Variants in VANGL1 observed in about 807,000 individuals in gnomAD.
The protein encoded by VANGL1 is VANGL planar cell polarity protein 1, also known as vang-like protein 1.
Under a neutral mutation model 48.4 loss-of-function variants are expected in VANGL1, and 18 were observed. The ratio of observed to expected loss-of-function variants is 0.37; its 90% CI spans 0.26 to 0.55. The LOEUF (loss-of-function observed/expected upper bound fraction) is 0.55. VANGL1 is among the 20% of genes least tolerant of loss of function. The pLI is 0.81. For missense variants in VANGL1, 667 were observed against 675.8 expected, an observed-to-expected ratio of 0.99 and a Z score of 0.14; for synonymous variants, 257 against 261.8, an observed-to-expected ratio of 0.98 and a Z score of 0.18.
At chr1:115,670,036 A>G (rs1652919245) in intron 4 of VANGL1, among the ~76,000 whole-genome samples, 1 of 152,196 alleles carries the variant, frequency 6.6e-6, no homozygotes, top group African/African-American at 2.4e-5. Context: ...GGTTAAATGT[A>G]GTCATAGTGT....
At chr1:115,647,054 C>A (rs1651968188) in intron 1 of VANGL1, among the ~76,000 whole-genome samples, 1 of 152,136 alleles carries the variant, frequency 6.6e-6, no homozygotes, top group Non-Finnish European at 1.5e-5. Flanking sequence ...ACATTGCATA[C>A]CAAATGAAAG....
At chr1:115,683,551 C>T (rs1052293670) in intron 5 of VANGL1, among the ~76,000 whole-genome samples, 3 of 152,194 alleles carry the variant, frequency 2.0e-5, no homozygotes, top group Non-Finnish European at 4.4e-5. Context: ...CCCTCTCATT[C>T]TGTCTCATTG....
At chr1:115,651,842 C>T (rs930999579) in intron 2 of VANGL1, among the ~76,000 whole-genome samples, 16 of 151,988 alleles carry the variant, frequency 1.1e-4, no homozygotes, top group South Asian at 2.1e-4. Context: ...CTGCAAGCTC[C>T]GCCTTGTGGG....
chr1:115,671,510 A>G (rs572321512), intron 4 of VANGL1, among the ~76,000 whole-genome samples: 9 of 152,330 alleles, frequency 5.9e-5, no homozygotes, highest in Admixed American at 3.9e-4. Flanking sequence ...GAGGCAGTCC[A>G]GCATCCTGGG....
chr1:115,651,548 C>G, intron 2 of VANGL1, 64 bp downstream of exon 2: 2 of 1,434,054 alleles, frequency 1.4e-6, no homozygotes, highest in Non-Finnish European at 2.0e-6. Context: ...GTGGGGTTCT[C>G]TACACTCACT....
chr1:115,643,523 A>G (rs1424389106), intron 1 of VANGL1, among the ~76,000 whole-genome samples: 1 of 152,238 alleles, frequency 6.6e-6, no homozygotes. Context: ...ATCCATGAGC[A>G]TTAAACATTC....
chr1:115,667,899 C>A (rs1160319272), intron 4 of VANGL1, among the ~76,000 whole-genome samples: 2 of 152,212 alleles, frequency 1.3e-5, no homozygotes, highest in Non-Finnish European at 2.9e-5. Flanking sequence ...GGTGCACAGG[C>A]ACTAGTGTAA....
At chr1:115,680,613 C>T (rs980249023) in intron 4 of VANGL1, among the ~76,000 whole-genome samples, 1 of 152,212 alleles carries the variant, frequency 6.6e-6, no homozygotes, top group Admixed American at 6.5e-5. Context: ...TGAATGCGGG[C>T]ACTGTTGGGG....
chr1:115,648,638 T>A (rs547747959), intron 1 of VANGL1, among the ~76,000 whole-genome samples: 6 of 152,326 alleles, frequency 3.9e-5, no homozygotes, highest in African/African-American at 1.4e-4. Flanking sequence ...TTTCATTTAA[T>A]CCTCACAAGA....
In VANGL1 at chr1:115,684,214, C is replaced by G. The variant is rs1052163655; in HGVS notation, c.1079+138C>G. On this transcript the variant is annotated intron_variant, in intron 6 of 7. Transcript: ENST00000355485. ...AGTGCAGTGGCAAGATCTTGGCTCA[C>G]TGTCACCTCTGCCTCCCAGGTTCCA... 6 of 909,550 alleles carry G rather than the reference C, an allele frequency of 6.6e-6. No homozygotes were observed. In the Admixed American group the frequency reaches 1.4e-4, roughly 22 times the overall value. 56.3% of individuals were successfully genotyped at this position (909,550 alleles called of 1,614,324 possible).
chr1:115,663,561 T>C (rs540631654), intron 3 of VANGL1, 100 bp from the exon 4 acceptor site: 1 of 1,520,798 alleles, frequency 6.6e-7, no homozygotes, highest in Non-Finnish European at 9.0e-7. Flanking sequence ...CCTTTGTGAA[T>C]AGGGCTGGGT....
intron 5 of VANGL1, among the ~76,000 whole-genome samples, chr1:115,682,816 A>G (rs567189897): frequency 2.0e-5 from 3 of 152,288 alleles, no homozygotes; most frequent in Admixed American, 6.5e-5. Flanking sequence ...ATTGGTGCAC[A>G]TTACCCACAA....
Position 115,684,093 on chromosome 1 carries a change from A to T in VANGL1, c.1079+17A>T, listed in dbSNP as rs766581729. Reference sequence around the variant, plus strand: ...GAAAGCAAGGTATACTGCCCTCCTGATGCCAGTACCCTCTTACAGACTTTT... The same window carrying T: ...GAAAGCAAGGTATACTGCCCTCCTGTTGCCAGTACCCTCTTACAGACTTTT... On this transcript the variant is annotated intron_variant, in intron 6 of 7. Coordinates refer to ENST00000355485, the MANE Select transcript of VANGL1 (RefSeq NM_138959.3). 6.2e-7 allele frequency: 1 copy of T among 1,612,304 alleles called. No individual in the cohort carries two copies. The highest frequency in any genetic ancestry group is 1.7e-5 in the Admixed American group (1 of 59,974).
chr1:115,648,190 C>T (rs1369647410), intron 1 of VANGL1, among the ~76,000 whole-genome samples: 1 of 152,168 alleles, frequency 6.6e-6, no homozygotes, highest in Non-Finnish European at 1.5e-5. Context: ...CATTGCCTAG[C>T]ATGGTCTTGT....
intron 4 of VANGL1, among the ~76,000 whole-genome samples, chr1:115,679,963 T>C (rs1337060375): frequency 1.4e-5 from 2 of 138,786 alleles, no homozygotes; most frequent in African/African-American, 2.7e-5. Context: ...GGGTGGGAGC[T>C]GAGCTAGGCA....
At chr1:115,653,397 A>G (rs1253908736) in intron 2 of VANGL1, among the ~76,000 whole-genome samples, 1 of 152,216 alleles carries the variant, frequency 6.6e-6, no homozygotes, top group Non-Finnish European at 1.5e-5. Flanking sequence ...TTTAGTTATG[A>G]AATACCAGAA....
intron 2 of VANGL1, among the ~76,000 whole-genome samples, chr1:115,651,730 C>T (rs1652153738): frequency 6.6e-6 from 1 of 151,842 alleles, no homozygotes; most frequent in African/African-American, 2.4e-5. Context: ...TTTCTTCCTG[C>T]AGTGGAAATG....
chr1:115,693,841 A>G lies in VANGL1; in HGVS notation c.*2462A>G, dbSNP rs569332801. 2.6e-5 allele frequency: 4 copies of G among 152,326 alleles called. No homozygotes were observed. Among genetic ancestry groups the G allele is most frequent in the African/African-American group, 7.2e-5 (3 of 41,590 alleles). 9.4% of individuals were successfully genotyped at this position (152,326 alleles called of 1,614,324 possible). A position where few individuals can be genotyped will look rare whatever the true frequency, so the allele number is the denominator to read the frequency against. ...TTTCAATTCTTGGAACTGGTAGGCT[A>G]TTCTTTTTAAAAGGGGGTAAACTTC... On this transcript the variant is annotated 3_prime_UTR_variant, in exon 8 of 8. Transcript: ENST00000355485.
rs1653867132 is a variant in VANGL1 at position 115,692,215 on chromosome 1, G to C, written c.*836G>C. 6.5e-6 allele frequency: 1 copy of C among 152,818 alleles called. No individual in the cohort carries two copies. The highest frequency in any genetic ancestry group is 1.5e-5 in the Non-Finnish European group (1 of 68,390). The allele number at this position is 152,818 out of a possible 1,614,324, so 9.5% of individuals were successfully genotyped here. ...GGGGTGCCCAGCAGGTAAAGCACAG[G>C]GAGAGAGGGCAGTGGGAATGCCACC... is the stretch of plus-strand genomic sequence containing the variant. On this transcript the variant is annotated 3_prime_UTR_variant, in exon 8 of 8. Transcript: ENST00000355485.
Sources: allele counts gnomAD v4.1 joint callset (sites outside exome capture counted in the v4.1 genomes callset), GRCh38; gene constraint gnomAD v4.1.1; transcripts MANE v1.5; gene names NCBI Gene and HGNC (gene_info 2026-07-23, HGNC 2026-07-21).